C10orf90: variants seen among roughly 807,000 people sequenced by gnomAD.
C10orf90 encodes the protein (E2-independent) E3 ubiquitin-conjugating enzyme FATS.
Under a neutral mutation model 62.5 loss-of-function variants are expected in C10orf90, and 56 were observed. That is an observed-to-expected ratio of 0.90 (90% CI 0.72 to 1.12). C10orf90 has a LOEUF of 1.12. Ranked by LOEUF, C10orf90 falls within the 50% of genes most tolerant of loss-of-function variation. The pLI, the probability that C10orf90 is intolerant of heterozygous loss-of-function variation, is 0.00. For missense variants in C10orf90, 970 were observed against 880.4 expected (o/e 1.10, Z -1.29); for synonymous variants, 386 against 340.4 (o/e 1.13, Z -1.47).
intron 4 of C10orf90, among the ~76,000 whole-genome samples, chr10:126,479,770 A>C (rs1861074721): frequency 6.6e-6 from 1 of 152,374 alleles, no homozygotes; most frequent in Non-Finnish European, 1.5e-5. Flanking sequence ...GCAGAGAAGG[A>C]AAACATATGT....
chr10:126,476,441 A>G (rs557543791), intron 4 of C10orf90, among the ~76,000 whole-genome samples: 1 of 152,200 alleles, frequency 6.6e-6, no homozygotes, highest in South Asian at 2.1e-4. Context: ...AATAGTCACT[A>G]AGAATAAATC....
In C10orf90 at chr10:126,575,118, A is replaced by G. The variant is rs927149269; in HGVS notation, c.314-61179T>C. On this transcript the variant is annotated intron_variant, in intron 2 of 9. Transcript: ENST00000488181. ...GTAGAAAACCCAAGGGAACCTAAAAACTATTAGAATAGGTGAAGGAAGTCC... is the reference window on the plus strand; with the variant it reads ...GTAGAAAACCCAAGGGAACCTAAAAGCTATTAGAATAGGTGAAGGAAGTCC... Among the ~76,000 whole-genome samples, 28 of 152,082 alleles carry G rather than the reference A, an allele frequency of 1.8e-4. 1 individual carries two copies. Among genetic ancestry groups the G allele is most frequent in the Non-Finnish European group, 4.4e-5 (3 of 67,934 alleles).
At chr10:126,500,203 G>A (rs529203737) in intron 4 of C10orf90, among the ~76,000 whole-genome samples, 30 of 152,300 alleles carry the variant, frequency 2.0e-4, no homozygotes, top group African/African-American at 5.8e-4. Context: ...ATGTTCATAA[G>A]CAGCCTTCAG....
chr10:126,514,750 C>T (rs1244248741), intron 2 of C10orf90, among the ~76,000 whole-genome samples: 1 of 152,224 alleles, frequency 6.6e-6, no homozygotes, highest in African/African-American at 2.4e-5. Flanking sequence ...ACGCTACAGA[C>T]CCTCAGCAGC....
chr10:126,562,990 G>A (rs1864937659), intron 2 of C10orf90, among the ~76,000 whole-genome samples: 2 of 152,184 alleles, frequency 1.3e-5, no homozygotes, highest in African/African-American at 4.8e-5. Context: ...AGGGACCCAC[G>A]TACATTGCTT....
chr10:126,642,260 C>T lies in C10orf90; in HGVS notation c.313+4305G>A, dbSNP rs187642464. 7.3e-4 allele frequency among the ~76,000 whole-genome samples: 111 copies of T among 152,258 alleles called. 1 individual carries two copies. Among genetic ancestry groups the T allele is most frequent in the Admixed American group, 2.1e-3 (32 of 15,286 alleles). ...TCAATTTAAAAGACAAGGCTGGGTG[C>T]GGTGGCTCACGCTTGTAATCCCAGC... On this transcript the variant is annotated intron_variant, in intron 2 of 9. Transcript: ENST00000488181.
intron 2 of C10orf90, among the ~76,000 whole-genome samples, chr10:126,585,261 AAAAG>A (rs1228322760): frequency 4.0e-5 from 6 of 151,114 alleles, no homozygotes; most frequent in African/African-American, 1.5e-4. Context: ...GAGAGAGAGG[AAAAG>A]AAAGAAAGAA....
At chr10:126,451,886 A>C (rs1859226002) in intron 7 of C10orf90, among the ~76,000 whole-genome samples, 2 of 152,152 alleles carry the variant, frequency 1.3e-5, no homozygotes, top group South Asian at 4.1e-4. Context: ...TATCAAATTC[A>C]TAGAAGTAGA....
intron 7 of C10orf90, among the ~76,000 whole-genome samples, chr10:126,431,874 A>T (rs1857592517): frequency 6.6e-6 from 1 of 152,094 alleles, no homozygotes; most frequent in African/African-American, 2.4e-5. Context: ...AAACAACAGC[A>T]AATGTGAGCT....
intron 4 of C10orf90, among the ~76,000 whole-genome samples, chr10:126,498,047 C>T (rs1048236021): frequency 3.3e-5 from 5 of 152,178 alleles, no homozygotes; most frequent in African/African-American, 1.2e-4. Context: ...AAAAGACCAT[C>T]GTAAGATTGT....
At chr10:126,451,052 T>TA (rs918355181) in intron 7 of C10orf90, among the ~76,000 whole-genome samples, 109 of 144,190 alleles carry the variant, frequency 7.6e-4, no homozygotes, top group Middle Eastern at 3.5e-3. Flanking sequence ...TAGAGATTTC[T>TA]AAAAAAAAAA....
rs771505495 is a variant in C10orf90, at chr10:126,425,891, G to C, written c.2364C>G (p.Asp788Glu). ...RAEVFKKQLL[D>E]QLLQRNAV ...AGACCGCATTCCTTTGAAGGAGCTG[G>C]TCCAGTAATTGCTAGAGGAAAAGGG... The change falls in exon 10 of 10, where the codon GAC becomes GAG. Residue 788 changes from aspartate (D) to glutamate (E), a missense_variant. Physicochemically the swap from Asp to Glu is conservative, Grantham distance 45. Coordinates refer to ENST00000488181, the MANE Select transcript of C10orf90 (RefSeq NM_001350921.2). 6.2e-7 allele frequency: 1 copy of C among 1,614,136 alleles called. No homozygotes were observed. Among genetic ancestry groups the C allele is most frequent in the East Asian group, 2.2e-5 (1 of 44,854 alleles).
At chr10:126,537,735 G>C (rs1311687272) in intron 2 of C10orf90, among the ~76,000 whole-genome samples, 1 of 152,264 alleles carries the variant, frequency 6.6e-6, no homozygotes, top group African/African-American at 2.4e-5. Context: ...TAATTCCCAG[G>C]TTTCAACTTA....
intron 2 of C10orf90, among the ~76,000 whole-genome samples, chr10:126,518,196 C>T (rs1310371173): frequency 6.6e-6 from 1 of 152,118 alleles, no homozygotes; most frequent in Non-Finnish European, 1.5e-5. Flanking sequence ...CAAAATGTGG[C>T]CCCCAGACCA....
intron 7 of C10orf90, among the ~76,000 whole-genome samples, chr10:126,454,922 G>A (rs1255658550): frequency 2.6e-5 from 4 of 152,074 alleles, no homozygotes; most frequent in Admixed American, 6.5e-5. Flanking sequence ...AGGCCCTTGG[G>A]TTGGAGTGTA....
chr10:126,552,342 G>A (rs1010551491), intron 2 of C10orf90, among the ~76,000 whole-genome samples: 2 of 152,174 alleles, frequency 1.3e-5, no homozygotes, highest in Admixed American at 1.3e-4. Context: ...AGCACTAATT[G>A]TAGCACTAAA....
chr10:126,469,234 A>G (rs1046917495), intron 4 of C10orf90, among the ~76,000 whole-genome samples: 1 of 152,234 alleles, frequency 6.6e-6, no homozygotes, highest in African/African-American at 2.4e-5. Context: ...AGAATCATTT[A>G]TATCCAGATT....
At chr10:126,561,847 G>A (rs1255488802) in intron 2 of C10orf90, among the ~76,000 whole-genome samples, 3 of 152,208 alleles carry the variant, frequency 2.0e-5, no homozygotes, top group African/African-American at 7.2e-5. Context: ...CCAGACAGGA[G>A]CACAGGAAGA....
intron 1 of C10orf90, among the ~76,000 whole-genome samples, chr10:126,656,549 A>G (rs1195015295): frequency 6.6e-6 from 1 of 152,216 alleles, no homozygotes; most frequent in Admixed American, 6.5e-5. Flanking sequence ...TCATTTCTTT[A>G]ATTAAGATGC....
Sources: allele counts gnomAD v4.1 joint callset (sites outside exome capture counted in the v4.1 genomes callset), GRCh38; gene constraint gnomAD v4.1.1; transcripts MANE v1.5; gene names NCBI Gene and HGNC (gene_info 2026-07-23, HGNC 2026-07-21).